ZNF155: variants seen among roughly 807,000 people sequenced by gnomAD.
ZNF155 encodes the protein zinc finger protein 155.
Under a neutral mutation model 11.9 loss-of-function variants are expected in ZNF155, and 15 were observed. The observed-to-expected ratio is 1.26, with a 90% CI of 0.84 to 1.94. ZNF155 has a LOEUF of 1.94. Ranked by LOEUF, ZNF155 falls within the 30% of genes most tolerant of loss-of-function variation. The pLI, the probability that ZNF155 is intolerant of heterozygous loss-of-function variation, is 0.00. For missense variants in ZNF155, 602 were observed against 639.1 expected (o/e 0.94, Z 0.63); for synonymous variants, 212 against 219.9 (o/e 0.96, Z 0.32).
intron 1 of ZNF155, among the ~76,000 whole-genome samples, chr19:43,985,445 C>A (rs1420987704): frequency 6.6e-6 from 1 of 151,892 alleles, no homozygotes; most frequent in Non-Finnish European, 1.5e-5. Flanking sequence ...ATAATTAAAC[C>A]TTAATTGGTA....
intron 1 of ZNF155, among the ~76,000 whole-genome samples, chr19:43,987,698 G>C (rs1975510504): frequency 6.6e-6 from 1 of 152,070 alleles, no homozygotes; most frequent in South Asian, 2.1e-4. Flanking sequence ...CATTATTAAT[G>C]GGCATTCACT....
Position 43,996,613 on chromosome 19 carries a change from A to G in ZNF155, c.756A>G (p.Lys252=), listed in dbSNP as rs2147403962. 1.2e-6 allele frequency: 2 copies of G among 1,612,956 alleles called. No individual in the cohort carries two copies. Among genetic ancestry groups the G allele is most frequent in the Middle Eastern group, 3.3e-4 (2 of 6,058 alleles). Residue 252 remains lysine, a synonymous_variant, in exon 5 of 5, where the codon AAA becomes AAG. Coordinates refer to ENST00000270014, the MANE Select transcript of ZNF155 (RefSeq NM_198089.3). ...GATCAGCACTTAATGTTCATCGTAAATTACACACAGGAGAGAAACCTTACA... is the reference window on the plus strand; with the variant it reads ...GATCAGCACTTAATGTTCATCGTAAGTTACACACAGGAGAGAAACCTTACA... ...SRRSALNVHR[K]LHTGEKPYIC...
chr19:43,990,227 A>G (rs1354965453), intron 2 of ZNF155: 3 of 514,560 alleles, frequency 5.8e-6, no homozygotes, highest in Non-Finnish European at 8.9e-6. Flanking sequence ...ATGAGAGAGT[A>G]AGATGTTCTT....
At chr19:43,987,622 T>C (rs934320861) in intron 1 of ZNF155, among the ~76,000 whole-genome samples, 6 of 152,216 alleles carry the variant, frequency 3.9e-5, no homozygotes, top group Non-Finnish European at 7.3e-5. Context: ...AGATGATGTC[T>C]TTCAGATTTG....
rs1368976756 is a variant in ZNF155 at position 43,996,864 on chromosome 19, T to G, written c.1007T>G (p.Met336Arg). ...HQRSALNRHCMVHTGEKPYRC... is the reference protein window; with the variant it reads ...HQRSALNRHCRVHTGEKPYRC... The stretch of plus-strand genomic sequence containing the variant: ...AGATCAGCACTTAATAGGCATTGCA[T>G]GGTCCACACAGGAGAGAAACCGTAC... The change falls in exon 5 of 5, where the codon ATG becomes AGG. Residue 336 changes from methionine (M) to arginine (R), a missense_variant. Coordinates refer to ENST00000270014, the MANE Select transcript of ZNF155 (RefSeq NM_198089.3). 8.7e-6 allele frequency: 14 copies of G among 1,613,656 alleles called. No homozygotes were observed. Among genetic ancestry groups the G allele is most frequent in the Non-Finnish European group, 1.2e-5 (14 of 1,179,926 alleles).
At chr19:43,990,867 C>T (rs966786463) in intron 2 of ZNF155, among the ~76,000 whole-genome samples, 4 of 152,122 alleles carry the variant, frequency 2.6e-5, no homozygotes, top group Non-Finnish European at 2.9e-5. Context: ...CTGAAGAAAA[C>T]GTCCTGGGGT....
intron 1 of ZNF155, among the ~76,000 whole-genome samples, chr19:43,988,179 CTCT>C (rs1320237892): frequency 6.6e-6 from 1 of 152,154 alleles, no homozygotes; most frequent in Non-Finnish European, 1.5e-5. Flanking sequence ...CTTATATTCT[CTCT>C]ATATACCATT....
Position 43,997,065 on chromosome 19 carries a change from A to G in ZNF155, c.1208A>G (p.Glu403Gly), listed in dbSNP as rs200940574. The G allele has an allele frequency of 6.2e-7, 1 of 1,613,860 alleles. No homozygotes were observed. Among genetic ancestry groups the G allele is most frequent in the Non-Finnish European group, 8.5e-7 (1 of 1,179,778 alleles). Reference sequence around the variant, plus strand: ...AGTGGAGAAAAAAGCTTCAAATGTGAAGAATGTGGAAAGGGATTTTATACA... The same window carrying G: ...AGTGGAGAAAAAAGCTTCAAATGTGGAGAATGTGGAAAGGGATTTTATACA... Reference protein sequence around the residue: ...VHSGEKSFKCEECGKGFYTNS... With the variant: ...VHSGEKSFKCGECGKGFYTNS... Residue 403 changes from glutamate (E) to glycine (G), a missense_variant, in exon 5 of 5, where the codon GAA becomes GGA. By Grantham distance (98) the Glu-to-Gly change is moderately conservative. Coordinates refer to ENST00000270014, the MANE Select transcript of ZNF155 (RefSeq NM_198089.3).
chr19:43,989,653 C>T (rs193058846), intron 2 of ZNF155, among the ~76,000 whole-genome samples: 275 of 152,266 alleles, frequency 1.8e-3, no homozygotes, highest in African/African-American at 6.4e-3. Context: ...CCTGTCCCTA[C>T]TTGGTGTGAC....
At chr19:43,985,061 A>C (rs1321536138) in intron 1 of ZNF155, among the ~76,000 whole-genome samples, 1 of 151,922 alleles carries the variant, frequency 6.6e-6, no homozygotes, top group Non-Finnish European at 1.5e-5. Flanking sequence ...GTCTGTTTTT[A>C]TTATTGTTAT....
chr19:43,988,170 T>A (rs764006926), intron 1 of ZNF155, among the ~76,000 whole-genome samples: 5 of 152,176 alleles, frequency 3.3e-5, no homozygotes, highest in Non-Finnish European at 5.9e-5. Flanking sequence ...AACCACTAAC[T>A]TATATTCTCT....
In ZNF155 at chr19:43,988,512, GAGTCTGCAA is replaced by G; in HGVS notation, c.-30_-22del. 4 of 1,605,966 alleles carry G rather than the reference GAGTCTGCAA, an allele frequency of 2.5e-6. No homozygotes were observed. Among genetic ancestry groups the G allele is most frequent in the Non-Finnish European group, 3.4e-6 (4 of 1,175,054 alleles). On this transcript the variant is annotated 5_prime_UTR_variant, in exon 2 of 5. Coordinates refer to ENST00000270014, the MANE Select transcript of ZNF155 (RefSeq NM_198089.3). ...CCTTCATTCAAACTGCATCACCCAG[GAGTCTGCAA>G]ATTCCCCAAAGTAGGAGGAAAAATG...
At chr19:43,985,023 T>C (rs1975386450) in intron 1 of ZNF155, among the ~76,000 whole-genome samples, 1 of 152,124 alleles carries the variant, frequency 6.6e-6, no homozygotes, top group Non-Finnish European at 1.5e-5. Flanking sequence ...GCTTTTCTCT[T>C]TTTAAAAAAA....
At position 43,991,900 on chromosome 19, in the gene ZNF155, G is replaced by A; in HGVS notation, c.201G>A (p.Met67Ile). The change falls in exon 4 of 5, where the codon ATG becomes ATA. Residue 67 changes from methionine to isoleucine, a missense_variant. Coordinates refer to ENST00000270014, the MANE Select transcript of ZNF155 (RefSeq NM_198089.3). ...CHFLREEKFW[M>I]MGTATQREGN... ...TCCTAAGGGAAGAAAAGTTTTGGATGATGGGGACAGCAACCCAAAGAGAAG... is the reference window on the plus strand; with the variant it reads ...TCCTAAGGGAAGAAAAGTTTTGGATAATGGGGACAGCAACCCAAAGAGAAG... 1 of 1,613,970 alleles carries A rather than the reference G, an allele frequency of 6.2e-7. No individual in the cohort carries two copies. Among genetic ancestry groups the A allele is most frequent in the Non-Finnish European group, 8.5e-7 (1 of 1,179,934 alleles).
At position 43,996,561 on chromosome 19, in the gene ZNF155, A is replaced by T. The variant is rs777840383; in HGVS notation, c.704A>T (p.Glu235Val). ...ACTGGAGAGAAACCATTCAAATGTG[A>T]GCAATGTGGGAAAGGTTTCAGTCGT... The part of the protein sequence containing the change: ...VHTGEKPFKC[E>V]QCGKGFSRRS... Residue 235 changes from glutamate to valine, a missense_variant, in exon 5 of 5, where the codon GAG (glutamate) becomes GTG (valine). Coordinates refer to ENST00000270014, the MANE Select transcript of ZNF155 (RefSeq NM_198089.3). 1.7e-5 allele frequency: 27 copies of T among 1,614,178 alleles called. No homozygotes were observed. Among genetic ancestry groups the T allele is most frequent in the Non-Finnish European group, 2.2e-5 (26 of 1,180,022 alleles).
intron 4 of ZNF155, among the ~76,000 whole-genome samples, chr19:43,994,890 T>G (rs1975779755): frequency 6.6e-6 from 1 of 152,178 alleles, no homozygotes. Context: ...TAAATCACAT[T>G]GCTTATTTCT....
At chr19:43,990,114 T>C (rs1335605580) in intron 2 of ZNF155, 22 of 1,512,724 alleles carry the variant, frequency 1.5e-5, no homozygotes, top group Non-Finnish European at 1.8e-5. Flanking sequence ...ATTATGGAGG[T>C]AGGTAAAAAA....
At position 43,996,976 on chromosome 19, in the gene ZNF155, T is replaced by C; in HGVS notation, c.1119T>C (p.Asn373=). Residue 373 remains asparagine, a synonymous_variant, in exon 5 of 5, where the codon AAT becomes AAC. Coordinates refer to ENST00000270014, the MANE Select transcript of ZNF155 (RefSeq NM_198089.3). ...TCCACACAGGAGAAAAACCATATAA[T>C]TGTAAAGAATGTGGGAAGAGCTTCA... is the stretch of plus-strand genomic sequence containing the variant. The part of the protein sequence containing the change: ...QVVHTGEKPY[N]CKECGKSFRW... The C allele has an allele frequency of 1.9e-6, 3 of 1,614,104 alleles. No homozygotes were observed. The highest frequency in any genetic ancestry group is 2.5e-6 in the Non-Finnish European group (3 of 1,179,996).
At chr19:43,994,515 G>C (rs1975766061) in intron 4 of ZNF155, among the ~76,000 whole-genome samples, 1 of 152,188 alleles carries the variant, frequency 6.6e-6, no homozygotes, top group Non-Finnish European at 1.5e-5. Context: ...TTTCAAAACT[G>C]CCTTTGCATT....
Sources: allele counts gnomAD v4.1 joint callset (sites outside exome capture counted in the v4.1 genomes callset), GRCh38; gene constraint gnomAD v4.1.1; transcripts MANE v1.5; gene names NCBI Gene and HGNC (gene_info 2026-07-23, HGNC 2026-07-21).